The following LMBR1 variants were observed in gnomAD, a reference collection of about 807,000 sequenced individuals.
LMBR1 encodes limb region 1 protein homolog.
Under a neutral mutation model 73.9 loss-of-function variants are expected in LMBR1, and 52 were observed. The ratio of observed to expected loss-of-function variants is 0.70; its 90% CI spans 0.56 to 0.89. The LOEUF is 0.89. LMBR1 is among the 40% of genes least tolerant of loss of function. The probability of loss-of-function intolerance (pLI) is 0.00; values close to 1 mark genes in which losing one functional copy is unlikely to be tolerated. For missense variants in LMBR1, 539 were observed against 579.8 expected (o/e 0.93, Z 0.72); for synonymous variants, 215 against 209.4 (o/e 1.03, Z -0.23).
intron 1 of LMBR1, among the ~76,000 whole-genome samples, chr7:156,875,383 G>A (rs529759409): frequency 1.3e-5 from 2 of 152,282 alleles, no homozygotes; most frequent in East Asian, 3.9e-4. Flanking sequence ...CTAAAAGTTT[G>A]GAAAACATAT....
intron 4 of LMBR1, chr7:156,822,567 A>G (rs1364393655): frequency 6.6e-6 from 1 of 152,234 alleles, no homozygotes; most frequent in Non-Finnish European, 1.5e-5. Context: ...ACTAGCTGTC[A>G]TATCTCAGGG....
chr7:156,763,013 A>C, intron 7 of LMBR1, 95 bp downstream of exon 7: 1 of 668,636 alleles, frequency 1.5e-6, no homozygotes, highest in East Asian at 3.0e-5. Context: ...AAAAAATCCA[A>C]ATAGTTAAGA....
At chr7:156,840,814 A>T (rs999196373) in intron 1 of LMBR1, among the ~76,000 whole-genome samples, 11 of 151,154 alleles carry the variant, frequency 7.3e-5, no homozygotes, top group Non-Finnish European at 1.2e-4. Flanking sequence ...AAAAAAAAAA[A>T]ATTAGCCGGG....
At position 156,681,620 on chromosome 7, in the gene LMBR1, T is replaced by G. The variant is rs1805049784; in HGVS notation, c.*2458A>C. On this transcript the variant is annotated 3_prime_UTR_variant, in exon 17 of 17. Transcript: ENST00000353442. ...TGGAACCATAGTGCCTAATGCCCTT[T>G]AAAATCGATACTAAAGGAGAGAGAA... 6.5e-6 allele frequency: 1 copy of G among 152,720 alleles called. No individual in the cohort carries two copies. The highest frequency in any genetic ancestry group is 1.5e-5 in the Non-Finnish European group (1 of 68,428). 9.5% of individuals were successfully genotyped at this position (152,720 alleles called of 1,614,324 possible). A position where few individuals can be genotyped will look rare whatever the true frequency, so the allele number is the denominator to read the frequency against.
At chr7:156,714,662 G>A (rs1812814366) in intron 15 of LMBR1, among the ~76,000 whole-genome samples, 1 of 152,130 alleles carries the variant, frequency 6.6e-6, no homozygotes, top group Non-Finnish European at 1.5e-5. Flanking sequence ...TGTGTGTGGT[G>A]GGGATTGAAC....
chr7:156,767,746 A>T (rs936971575), intron 5 of LMBR1, among the ~76,000 whole-genome samples: 2 of 152,044 alleles, frequency 1.3e-5, no homozygotes, highest in African/African-American at 4.8e-5. Flanking sequence ...ATAACAAAAT[A>T]TATAAAATAC....
At chr7:156,789,023 G>C (rs1454758462) in intron 5 of LMBR1, among the ~76,000 whole-genome samples, 1 of 152,080 alleles carries the variant, frequency 6.6e-6, no homozygotes, top group Non-Finnish European at 1.5e-5. Context: ...CTCCAGCCTG[G>C]GTGACAGAGC....
chr7:156,806,157 CT>C (rs764669584), intron 4 of LMBR1, among the ~76,000 whole-genome samples: 3 of 144,532 alleles, frequency 2.1e-5, no homozygotes, highest in Non-Finnish European at 3.0e-5. Flanking sequence ...TTGTGGTACT[CT>C]TTAATTTCTC....
At chr7:156,676,589 C>T (rs149561125), downstream of LMBR1, 138 of 1,614,234 alleles carry the variant, frequency 8.5e-5, 1 homozygote, top group African/African-American at 1.7e-3. Flanking sequence ...CCGTGGGAGA[C>T]AGGCCTCCTT....
At chr7:156,877,800 G>A (rs559470270) in intron 1 of LMBR1, among the ~76,000 whole-genome samples, 6 of 151,606 alleles carry the variant, frequency 4.0e-5, no homozygotes, top group East Asian at 3.9e-4. Flanking sequence ...GGAGAATGGC[G>A]TGAACCCGGG....
chr7:156,842,013 A>G (rs1405937883), intron 1 of LMBR1, among the ~76,000 whole-genome samples: 1 of 141,246 alleles, frequency 7.1e-6, no homozygotes, highest in Non-Finnish European at 1.6e-5. Context: ...CATAAATAAA[A>G]AGGAGGAGAA....
chr7:156,880,578 G>A (rs1012906456), intron 1 of LMBR1, among the ~76,000 whole-genome samples: 1 of 152,118 alleles, frequency 6.6e-6, no homozygotes. Flanking sequence ...TCATGGATTG[G>A]AAGATTTAAT....
At chr7:156,728,545 T>C (rs1163015715) in intron 11 of LMBR1, 99 bp downstream of exon 11, 3 of 795,912 alleles carry the variant, frequency 3.8e-6, no homozygotes, top group African/African-American at 3.6e-5. Flanking sequence ...AGAAAACTAG[T>C]TTATGAAAAA....
intron 1 of LMBR1, among the ~76,000 whole-genome samples, chr7:156,845,654 AT>A (rs79600442): frequency 0.25 from 36,798 of 149,888 alleles, 5,008 homozygotes; most frequent in East Asian, 0.42. Flanking sequence ...ATGGGTTGAA[AT>A]TTTTTTTTTT....
At chr7:156,842,538 A>G (rs1051494086) in intron 1 of LMBR1, among the ~76,000 whole-genome samples, 1 of 152,200 alleles carries the variant, frequency 6.6e-6, no homozygotes, top group African/African-American at 2.4e-5. Context: ...CACTAGCCTC[A>G]GAAAGAAAAA....
At chr7:156,698,544 G>A (rs61692046) in intron 15 of LMBR1, among the ~76,000 whole-genome samples, 2,435 of 152,198 alleles carry the variant, frequency 0.016, 63 homozygotes, top group African/African-American at 0.054. Context: ...CTTGACTTCC[G>A]TGCACCACAC....
chr7:156,675,217 G>A (rs550560566), downstream of LMBR1, among the ~76,000 whole-genome samples: 9 of 152,326 alleles, frequency 5.9e-5, no homozygotes, highest in South Asian at 8.3e-4. Context: ...CACAGAGGTC[G>A]TGGGGAAGCA....
At chr7:156,788,820 G>T (rs948776467) in intron 5 of LMBR1, among the ~76,000 whole-genome samples, 1 of 152,220 alleles carries the variant, frequency 6.6e-6, no homozygotes, top group Non-Finnish European at 1.5e-5. Flanking sequence ...GGCCAAGGCA[G>T]GTGGATCACC....
chr7:156,752,895 G>A (rs1563279285), intron 9 of LMBR1, among the ~76,000 whole-genome samples: 1 of 151,486 alleles, frequency 6.6e-6, no homozygotes, highest in Non-Finnish European at 1.5e-5. Flanking sequence ...AGCTAAGAGT[G>A]TACGCAGGGG....
Sources: gnomAD v4.1 joint callset for allele counts (sites outside exome capture counted in the v4.1 genomes callset) on GRCh38, gnomAD v4.1.1 for gene constraint, MANE v1.5 for transcripts, NCBI Gene and HGNC (gene_info 2026-07-23, HGNC 2026-07-21) for gene names.